PLPPR4: variants seen among roughly 807,000 people sequenced by gnomAD.
PLPPR4 encodes phospholipid phosphatase-related protein type 4.
A neutral mutation model predicts 56.6 loss-of-function variants in PLPPR4; 24 were observed. The ratio of observed to expected loss-of-function variants is 0.42; its 90% CI spans 0.31 to 0.60. The LOEUF (loss-of-function observed/expected upper bound fraction) is 0.60. PLPPR4 is among the 20% of genes least tolerant of loss of function. The probability of loss-of-function intolerance (pLI) is 0.13; values close to 1 mark genes in which losing one functional copy is unlikely to be tolerated. For synonymous variants in PLPPR4, 326 were observed against 328.1 expected (o/e 0.99, Z 0.07); for missense variants, 654 against 885.8 (o/e 0.74, Z 3.32).
In PLPPR4 at chr1:99,308,832, C is replaced by T. The variant is rs1225564630; in HGVS notation, c.*1822C>T. On this transcript the variant is annotated 3_prime_UTR_variant, in exon 7 of 7. Transcript: ENST00000370185. The stretch of plus-strand genomic sequence containing the variant: ...AGTGGGAATAAAATGTTGCCTTCCC[C>T]ACTTCTCACCACCACCGCCATCATG... The T allele has an allele frequency of 6.6e-6, 1 of 152,536 alleles. No individual in the cohort carries two copies. Among genetic ancestry groups the T allele is most frequent in the African/African-American group, 2.4e-5 (1 of 41,404 alleles). 9.4% of individuals were successfully genotyped at this position (152,536 alleles called of 1,614,324 possible).
rs187096757 is a variant in PLPPR4, at chr1:99,298,068, G to A, written c.395-967G>A. Among the ~76,000 whole-genome samples the A allele has an allele frequency of 1.3e-3, 197 of 150,706 alleles. 1 individual carries two copies. Among genetic ancestry groups the A allele is most frequent in the Middle Eastern group, 3.4e-3 (1 of 294 alleles). On this transcript the variant is annotated intron_variant, in intron 3 of 6. Coordinates refer to ENST00000370185, the MANE Select transcript of PLPPR4 (RefSeq NM_014839.5). ...AGGTGTGTGGGTGGAGAAGCAATTG[G>A]AGGAATGGTGGTTAGGTGACAGTAA...
intron 1 of PLPPR4, among the ~76,000 whole-genome samples, chr1:99,279,561 T>C (rs902511311): frequency 3.9e-5 from 6 of 152,178 alleles, no homozygotes; most frequent in African/African-American, 1.4e-4. Context: ...TTTCCTGTTG[T>C]TGCCGTTGAA....
Position 99,296,786 on chromosome 1 carries a change from A to C in PLPPR4, c.313A>C (p.Asn105His), listed in dbSNP as rs2100805600. The C allele has an allele frequency of 1.2e-6, 2 of 1,607,104 alleles. No individual in the cohort carries two copies. The highest frequency in any genetic ancestry group is 2.2e-5 in the South Asian group (2 of 90,070). ...ILYCCLSKRR[N>H]GVGLEPNINA... ...CTACTGTTGCCTCTCCAAAAGAAGA[A>C]ATGGGGTCGGACTAGAGCCCAACAT... Residue 105 changes from asparagine to histidine, a missense_variant, in exon 3 of 7, where the codon AAT (asparagine) becomes CAT (histidine). This residue lies in a region of PLPPR4 where 186 missense variants were observed against 331.4 expected (regional missense o/e 0.56). Coordinates refer to ENST00000370185, the MANE Select transcript of PLPPR4 (RefSeq NM_014839.5).
At chr1:99,274,098 A>G (rs1473717840) in intron 1 of PLPPR4, among the ~76,000 whole-genome samples, 1 of 152,130 alleles carries the variant, frequency 6.6e-6, no homozygotes, top group Non-Finnish European at 1.5e-5. Flanking sequence ...TTTTAGTTAC[A>G]TAAGGTGCAT....
At chr1:99,266,244 A>G (rs1658893277) in intron 1 of PLPPR4, among the ~76,000 whole-genome samples, 1 of 152,220 alleles carries the variant, frequency 6.6e-6, no homozygotes, top group African/African-American at 2.4e-5. Flanking sequence ...TTTGTGTCTG[A>G]ATCAATGACA....
chr1:99,295,433 G>A (rs932483936), intron 2 of PLPPR4, among the ~76,000 whole-genome samples: 4 of 152,124 alleles, frequency 2.6e-5, no homozygotes, highest in Admixed American at 2.0e-4. Context: ...TGACAACTGA[G>A]AGGTTTTCTA....
intron 6 of PLPPR4, among the ~76,000 whole-genome samples, chr1:99,302,718 T>C (rs1421685270): frequency 1.5e-5 from 2 of 135,182 alleles, no homozygotes; most frequent in Admixed American, 8.5e-5. Flanking sequence ...CCTGTGTCCA[T>C]GTGTTCTCAT....
chr1:99,300,340 C>T (rs879610004), intron 4 of PLPPR4, among the ~76,000 whole-genome samples: 1 of 151,868 alleles, frequency 6.6e-6, no homozygotes, highest in Admixed American at 6.6e-5. Context: ...ATCTATAATT[C>T]TTGAGATGAA....
chr1:99,264,783 G>A (rs116040512), intron 1 of PLPPR4, 112 bp downstream of exon 1: 136 of 1,124,994 alleles, frequency 1.2e-4, no homozygotes, highest in Middle Eastern at 2.4e-4. Flanking sequence ...GCGCGCGGCT[G>A]TCCCCAAATG....
intron 2 of PLPPR4, among the ~76,000 whole-genome samples, chr1:99,291,112 A>G (rs1291513078): frequency 6.6e-6 from 1 of 152,088 alleles, no homozygotes; most frequent in Non-Finnish European, 1.5e-5. Flanking sequence ...AAAAACAATT[A>G]AAAAGTGGGC....
chr1:99,301,426 G>T (rs1468482639), intron 5 of PLPPR4, among the ~76,000 whole-genome samples: 2 of 152,008 alleles, frequency 1.3e-5, no homozygotes, highest in African/African-American at 4.8e-5. Context: ...AGTCCGTGAA[G>T]TCTTTCCTGA....
intron 2 of PLPPR4, among the ~76,000 whole-genome samples, chr1:99,293,114 C>T (rs974171704): frequency 9.9e-5 from 15 of 152,178 alleles, no homozygotes; most frequent in South Asian, 2.1e-4. Context: ...AGCTGACACC[C>T]GCCACGTGGA....
intron 1 of PLPPR4, among the ~76,000 whole-genome samples, chr1:99,272,583 T>C (rs2100785339): frequency 6.6e-6 from 1 of 152,316 alleles, no homozygotes; most frequent in Admixed American, 6.5e-5. Flanking sequence ...GATCTTCCAC[T>C]GTTCCAAATT....
rs1279110192 is a variant in PLPPR4 at position 99,305,839 on chromosome 1, G to A, written c.977G>A (p.Gly326Asp). 1 of 1,614,040 alleles carries A rather than the reference G, an allele frequency of 6.2e-7. No homozygotes were observed. Among genetic ancestry groups the A allele is most frequent in the South Asian group, 1.1e-5 (1 of 91,066 alleles). The stretch of plus-strand genomic sequence containing the variant: ...AGTGATGGAATTGCTCATACAGAAG[G>A]CATCCTCAACCGAAACCACAGAGAT... Reference protein sequence around the residue: ...SSSDGIAHTEGILNRNHRDAS... With the variant: ...SSSDGIAHTEDILNRNHRDAS... The change falls in exon 7 of 7, where the codon GGC (glycine) becomes GAC (aspartate). Residue 326 changes from glycine to aspartate, a missense_variant. Transcript: ENST00000370185.
intron 1 of PLPPR4, among the ~76,000 whole-genome samples, chr1:99,267,513 C>T (rs959467287): frequency 1.3e-5 from 2 of 152,114 alleles, no homozygotes; most frequent in East Asian, 3.8e-4. Flanking sequence ...TATAAATACA[C>T]CTGTATTCAT....
intron 1 of PLPPR4, among the ~76,000 whole-genome samples, chr1:99,266,464 T>C (rs1658900589): frequency 6.6e-6 from 1 of 152,244 alleles, no homozygotes; most frequent in Non-Finnish European, 1.5e-5. Context: ...GGAGTACATG[T>C]CCCTTAAGCA....
At chr1:99,304,344 G>A (rs777239914) in intron 6 of PLPPR4, among the ~76,000 whole-genome samples, 46 of 152,142 alleles carry the variant, frequency 3.0e-4, no homozygotes, top group Non-Finnish European at 5.1e-4. Context: ...TAGGTGTGTG[G>A]GAAGCTATAC....
At chr1:99,279,492 G>T (rs1659271190) in intron 1 of PLPPR4, among the ~76,000 whole-genome samples, 1 of 152,152 alleles carries the variant, frequency 6.6e-6, no homozygotes, top group South Asian at 2.1e-4. Flanking sequence ...AAGGAATAAC[G>T]TTCAGGACCT....
chr1:99,277,093 T>A (rs1433848861), intron 1 of PLPPR4, among the ~76,000 whole-genome samples: 1 of 152,164 alleles, frequency 6.6e-6, no homozygotes, highest in Admixed American at 6.5e-5. Flanking sequence ...GCCTTGAGCA[T>A]CCCAAAACGA....
Sources: gnomAD v4.1 joint callset for allele counts (sites outside exome capture counted in the v4.1 genomes callset) on GRCh38, gnomAD v4.1.1 for gene constraint, gnomAD v4.1.1 regional missense constraint, MANE v1.5 for transcripts, NCBI Gene and HGNC (gene_info 2026-07-23, HGNC 2026-07-21) for gene names.